The following SPAG16 variants were observed in gnomAD, a reference collection of about 807,000 sequenced individuals.
SPAG16 encodes sperm-associated antigen 16 protein.
In SPAG16, 86 loss-of-function variants were observed where a neutral mutation model predicts 80.4. That is an observed-to-expected ratio of 1.07 (90% CI 0.90 to 1.28). SPAG16 has a LOEUF of 1.28. SPAG16 is among the 50% of genes most tolerant of loss of function. SPAG16 has a pLI of 0.00. For missense variants in SPAG16, 870 were observed against 765.3 expected, an observed-to-expected ratio of 1.14 and a Z score of -1.61; for synonymous variants, 294 against 265.9, an observed-to-expected ratio of 1.11 and a Z score of -1.03.
At chr2:213,970,269 AG>A (rs1339520544) in intron 12 of SPAG16, among the ~76,000 whole-genome samples, 1 of 151,434 alleles carries the variant, frequency 6.6e-6, no homozygotes, top group Non-Finnish European at 1.5e-5. Flanking sequence ...TTGTCAGTCA[AG>A]TAATGCTAAA....
intron 10 of SPAG16, among the ~76,000 whole-genome samples, chr2:213,575,858 G>A (rs538264432): frequency 6.6e-6 from 1 of 152,112 alleles, no homozygotes; most frequent in East Asian, 1.9e-4. Flanking sequence ...TTCTTGCATT[G>A]TAAAATGGAA....
At chr2:213,341,107 A>G (rs1426529055) in intron 6 of SPAG16, among the ~76,000 whole-genome samples, 3 of 152,222 alleles carry the variant, frequency 2.0e-5, no homozygotes, top group Non-Finnish European at 2.9e-5. Flanking sequence ...AAAGAAGCAC[A>G]CATTACTTTG....
intron 12 of SPAG16, among the ~76,000 whole-genome samples, chr2:213,956,679 C>T (rs2044159226): frequency 6.6e-6 from 1 of 151,864 alleles, no homozygotes; most frequent in South Asian, 2.1e-4. Flanking sequence ...AACTCCTGAC[C>T]CCAAGTGATC....
intron 10 of SPAG16, among the ~76,000 whole-genome samples, chr2:213,643,058 T>C (rs1330616107): frequency 1.2e-5 from 1 of 84,420 alleles, no homozygotes; most frequent in Admixed American, 1.1e-4. Flanking sequence ...TGTGTATGTG[T>C]GTGTGTGTAT....
chr2:213,702,590 T>C (rs958438955), intron 10 of SPAG16, among the ~76,000 whole-genome samples: 7 of 152,134 alleles, frequency 4.6e-5, no homozygotes, highest in Non-Finnish European at 1.0e-4. Flanking sequence ...GACACAATAA[T>C]ATTTCATCTT....
chr2:213,659,223 T>C (rs181248236), intron 10 of SPAG16, among the ~76,000 whole-genome samples: 31 of 152,124 alleles, frequency 2.0e-4, no homozygotes, highest in East Asian at 1.4e-3. Flanking sequence ...TCTCTAGTAT[T>C]AAAGTGCATG....
intron 9 of SPAG16, among the ~76,000 whole-genome samples, chr2:213,479,001 A>G (rs927612675): frequency 2.0e-5 from 3 of 151,786 alleles, no homozygotes; most frequent in African/African-American, 7.3e-5. Flanking sequence ...TTAAATAATT[A>G]TAATAAAAAT....
At chr2:213,926,214 T>A (rs1559595473) in intron 11 of SPAG16, among the ~76,000 whole-genome samples, 1 of 152,204 alleles carries the variant, frequency 6.6e-6, no homozygotes, top group Non-Finnish European at 1.5e-5. Context: ...TGGGATAATT[T>A]TTTCAAATAT....
At chr2:214,055,835 TA>T (rs1422408537) in intron 13 of SPAG16, among the ~76,000 whole-genome samples, 1 of 152,140 alleles carries the variant, frequency 6.6e-6, no homozygotes, top group Non-Finnish European at 1.5e-5. Context: ...CATAAAATTC[TA>T]AAAACATGTG....
intron 15 of SPAG16, among the ~76,000 whole-genome samples, chr2:214,407,353 A>G (rs1702050285): frequency 6.6e-6 from 1 of 152,120 alleles, no homozygotes; most frequent in Non-Finnish European, 1.5e-5. Flanking sequence ...AAAGATTTAA[A>G]GTAAAAATAA....
chr2:213,693,480 CA>C (rs1230438204), intron 10 of SPAG16, among the ~76,000 whole-genome samples: 108 of 152,294 alleles, frequency 7.1e-4, no homozygotes, highest in African/African-American at 2.5e-3. Context: ...ATACAATCTG[CA>C]CATTAAAAAC....
chr2:213,995,320 T>A (rs2046466244), intron 12 of SPAG16, among the ~76,000 whole-genome samples: 1 of 152,182 alleles, frequency 6.6e-6, no homozygotes, highest in African/African-American at 2.4e-5. Flanking sequence ...GGGGTGGGGC[T>A]CAGGAAAAGC....
At chr2:213,717,925 G>C (rs2066308737) in intron 10 of SPAG16, among the ~76,000 whole-genome samples, 1 of 152,018 alleles carries the variant, frequency 6.6e-6, no homozygotes, top group Admixed American at 6.5e-5. Flanking sequence ...TAACATTCAG[G>C]ACATAGGCAT....
chr2:214,121,233 A>C lies in SPAG16; in HGVS notation c.1593+12972A>C, dbSNP rs576022219. Among the ~76,000 whole-genome samples the C allele has an allele frequency of 2.0e-5, 3 of 152,008 alleles. No individual in the cohort carries two copies. In the South Asian group the frequency reaches 6.2e-4, roughly 31 times the overall value. On this transcript the variant is annotated intron_variant, in intron 14 of 15. Transcript: ENST00000331683. ...GAGATGAATAAATAAATGAATGCTGAATTCGGAACAAATATAAGCACAAGG... is the reference window on the plus strand; with the variant it reads ...GAGATGAATAAATAAATGAATGCTGCATTCGGAACAAATATAAGCACAAGG...
rs1047580432 is a variant in SPAG16 at position 213,865,029 on chromosome 2, A to C, written c.1214+2401A>C. On this transcript the variant is annotated intron_variant, in intron 11 of 15. Coordinates refer to ENST00000331683, the MANE Select transcript of SPAG16 (RefSeq NM_024532.5). Reference sequence around the variant, plus strand: ...CTCGTAAAACAAGATGATAGTAAAAAAATGTAATAATCAGAATCAAAGACT... The same window carrying C: ...CTCGTAAAACAAGATGATAGTAAAACAATGTAATAATCAGAATCAAAGACT... Among the ~76,000 whole-genome samples, 11 of 152,244 alleles carry C rather than the reference A, an allele frequency of 7.2e-5. 1 individual carries two copies. Among genetic ancestry groups the C allele is most frequent in the Middle Eastern group, 6.8e-3 (2 of 294 alleles).
At chr2:214,365,807 T>G (rs1206006085) in intron 15 of SPAG16, among the ~76,000 whole-genome samples, 4 of 152,166 alleles carry the variant, frequency 2.6e-5, no homozygotes, top group African/African-American at 9.7e-5. Flanking sequence ...CTTCAAGATC[T>G]GTTTCTTTCT....
rs757883369 is a variant in SPAG16 at position 213,297,251 on chromosome 2, CTG to C, written c.184-8_184-7del. ...TCACTCTTCCTATCCTTCTCTTTCTCTGTGATCTAGATACCAGATGACAATTT... is the reference window on the plus strand; with the variant it reads ...TCACTCTTCCTATCCTTCTCTTTCTCTGATCTAGATACCAGATGACAATTT... On this transcript the variant is annotated splice_polypyrimidine_tract_variant and intron_variant, in intron 2 of 15. Transcript: ENST00000331683. The C allele has an allele frequency of 2.5e-6, 4 of 1,591,656 alleles. No homozygotes were observed. Among genetic ancestry groups the C allele is most frequent in the Non-Finnish European group, 3.4e-6 (4 of 1,164,950 alleles).
intron 10 of SPAG16, among the ~76,000 whole-genome samples, chr2:213,829,637 C>G (rs994841946): frequency 2.0e-5 from 3 of 152,150 alleles, no homozygotes; most frequent in Admixed American, 2.0e-4. Flanking sequence ...ATCTCAGAAT[C>G]TCACCCAAGT....
At chr2:213,499,765 CT>C (rs2074654913) in intron 10 of SPAG16, among the ~76,000 whole-genome samples, 2 of 152,210 alleles carry the variant, frequency 1.3e-5, no homozygotes, top group East Asian at 3.9e-4. Flanking sequence ...TTCTCTTGCC[CT>C]TTTCAGAAAG....
Sources: gnomAD v4.1 joint callset for allele counts (sites outside exome capture counted in the v4.1 genomes callset) on GRCh38, gnomAD v4.1.1 for gene constraint, MANE v1.5 for transcripts, NCBI Gene and HGNC (gene_info 2026-07-23, HGNC 2026-07-21) for gene names.